Variants in ZNF143 observed in about 807,000 individuals in gnomAD.
ZNF143 encodes the protein SPH-binding factor.
A neutral mutation model predicts 74.1 loss-of-function variants in ZNF143; 49 were observed. The ratio of observed to expected loss-of-function variants is 0.66; its 90% confidence interval spans 0.53 to 0.84. The LOEUF (loss-of-function observed/expected upper bound fraction) is 0.84. ZNF143 is among the 40% of genes least tolerant of loss of function. ZNF143 has a pLI of 0.00. For synonymous variants in ZNF143, 304 were observed against 282.8 expected, an observed-to-expected ratio of 1.07 and a Z score of -0.75; for missense variants, 637 against 793.4, an observed-to-expected ratio of 0.80 and a Z score of 2.37.
At chr11:9,522,455 G>A (rs1848968419) in intron 14 of ZNF143, among the ~76,000 whole-genome samples, 2 of 152,116 alleles carry the variant, frequency 1.3e-5, no homozygotes, top group African/African-American at 4.8e-5. Flanking sequence ...ATATTAACTA[G>A]GTGTTGTCTT....
At chr11:9,498,966 A>G (rs926147427) in intron 10 of ZNF143, among the ~76,000 whole-genome samples, 1 of 152,154 alleles carries the variant, frequency 6.6e-6, no homozygotes, top group African/African-American at 2.4e-5. Context: ...TGCACTTTTT[A>G]TTTATTGTAT....
intron 14 of ZNF143, 119 bp downstream of exon 14, chr11:9,516,481 A>G: frequency 1.0e-6 from 1 of 962,406 alleles, no homozygotes; most frequent in Non-Finnish European, 1.5e-6. Flanking sequence ...AATATTTTGT[A>G]ACTTCTTAGC....
At chr11:9,479,418 C>A in intron 6 of ZNF143, 54 bp from the exon 7 acceptor site, 1 of 1,486,960 alleles carries the variant, frequency 6.7e-7, no homozygotes, top group East Asian at 2.3e-5. Flanking sequence ...ACTTAACCAG[C>A]CTAAACCATT....
chr11:9,479,167 TTC>T (rs1336538490), intron 6 of ZNF143, among the ~76,000 whole-genome samples: 3 of 152,086 alleles, frequency 2.0e-5, no homozygotes, highest in Non-Finnish European at 2.9e-5. Context: ...CTTTTTTTTT[TTC>T]TTTACAAACA....
At chr11:9,507,633 G>C (rs1394636245) in intron 11 of ZNF143, among the ~76,000 whole-genome samples, 2 of 152,168 alleles carry the variant, frequency 1.3e-5, no homozygotes, top group African/African-American at 4.8e-5. Flanking sequence ...CTTCAGTGTA[G>C]TTAAAAGTAT....
intron 5 of ZNF143, among the ~76,000 whole-genome samples, chr11:9,474,987 A>G (rs1214550635): frequency 1.3e-5 from 2 of 152,182 alleles, no homozygotes; most frequent in Admixed American, 1.3e-4. Context: ...TCCTGGGCTC[A>G]GGGATCCTCC....
In ZNF143 at chr11:9,482,876, C is replaced by T. The variant is rs770451616; in HGVS notation, c.645+3330C>T. Among the ~76,000 whole-genome samples the T allele has an allele frequency of 7.3e-5, 11 of 151,228 alleles. 1 individual carries two copies. The highest frequency in any genetic ancestry group is 2.1e-4 in the South Asian group (1 of 4,826). On this transcript the variant is annotated intron_variant, in intron 7 of 15. Transcript: ENST00000396602. ...TATCAATAATTTCTTATATTGATAA[C>T]GTTGAAATGATATTTTGGACATATT...
chr11:9,497,965 G>T (rs193273591), intron 10 of ZNF143, among the ~76,000 whole-genome samples, 165 bp downstream of exon 10: 20 of 152,132 alleles, frequency 1.3e-4, no homozygotes, highest in African/African-American at 3.1e-4. Flanking sequence ...CAAGTAGCTG[G>T]GACTACAGGC....
intron 13 of ZNF143, among the ~76,000 whole-genome samples, chr11:9,514,635 GT>G (rs1045633416): frequency 2.0e-5 from 3 of 152,268 alleles, no homozygotes; most frequent in African/African-American, 7.2e-5. Flanking sequence ...TGGGTGTTCA[GT>G]TGGGTCTTGA....
intron 7 of ZNF143, among the ~76,000 whole-genome samples, chr11:9,483,288 C>CCTTTT (rs1847322096): frequency 4.0e-5 from 2 of 50,200 alleles, no homozygotes; most frequent in African/African-American, 8.8e-5. Flanking sequence ...GCCAACATGC[C>CCTTTT]TTTTTTTTTT....
chr11:9,522,983 G>A (rs1447413396), intron 14 of ZNF143, among the ~76,000 whole-genome samples: 2 of 151,750 alleles, frequency 1.3e-5, no homozygotes, highest in Non-Finnish European at 2.9e-5. Flanking sequence ...TGGCCAGGCT[G>A]ATCTCGAACT....
intron 11 of ZNF143, among the ~76,000 whole-genome samples, chr11:9,505,204 C>T (rs1248945786): frequency 5.6e-5 from 7 of 125,312 alleles, no homozygotes; most frequent in African/African-American, 1.5e-4. Context: ...CATCTCCTGA[C>T]GTTGTGATCC....
Position 9,497,719 on chromosome 11 carries a change from C to T in ZNF143, c.886C>T (p.Pro296Ser). 6.2e-7 allele frequency: 1 copy of T among 1,609,472 alleles called. No homozygotes were observed. The highest frequency in any genetic ancestry group is 8.5e-7 in the Non-Finnish European group (1 of 1,176,406). The change falls in exon 10 of 16, where the codon CCA becomes TCA. Residue 296 changes from proline to serine, a missense_variant. Around this residue, in one of 2 missense-constraint regions of ZNF143, gnomAD observed 344 missense variants for 485.6 expected, o/e 0.71. Transcript: ENST00000396602. Reference sequence around the variant, plus strand: ...CGTCAGAACTCATACAGGAGAAAAGCCATATCGGTGTTCGGAAGATAATTG... The same window carrying T: ...CGTCAGAACTCATACAGGAGAAAAGTCATATCGGTGTTCGGAAGATAATTG... ...SHVRTHTGEKPYRCSEDNCTK... is the reference protein window; with the variant it reads ...SHVRTHTGEKSYRCSEDNCTK...
chr11:9,495,853 C>G (rs1847939822), intron 8 of ZNF143, among the ~76,000 whole-genome samples: 1 of 152,078 alleles, frequency 6.6e-6, no homozygotes, highest in African/African-American at 2.4e-5. Context: ...TATTGTGTCC[C>G]CACTTTTCAG....
chr11:9,486,414 T>TATATATATAATATATATTATATATATA (rs1491546428), intron 7 of ZNF143, among the ~76,000 whole-genome samples: 3,453 of 23,650 alleles, frequency 0.15, 623 homozygotes, highest in Non-Finnish European at 0.21. Flanking sequence ...ATATATATAA[T>TATATATATAATATATATTATATATATA]ATATATTATA....
Position 9,527,684 on chromosome 11 carries a change from G to T in ZNF143, c.*71G>T. On this transcript the variant is annotated 3_prime_UTR_variant, in exon 16 of 16. Coordinates refer to ENST00000396602, the MANE Select transcript of ZNF143 (RefSeq NM_003442.6). ...CTGGCAGCAGAAATCCATGAAGCCC[G>T]GGCCCAGGAAAATTAGAAGTTTTCC... The T allele has an allele frequency of 2.1e-6, 3 of 1,447,486 alleles. No individual in the cohort carries two copies. The highest frequency in any genetic ancestry group is 2.9e-6 in the Non-Finnish European group (3 of 1,039,572). 89.7% of individuals were successfully genotyped at this position (1,447,486 alleles called of 1,614,324 possible).
intron 12 of ZNF143, among the ~76,000 whole-genome samples, chr11:9,509,201 G>C (rs897185242): frequency 1.3e-5 from 2 of 152,196 alleles, no homozygotes; most frequent in African/African-American, 4.8e-5. Context: ...AGGTTGGAGA[G>C]ACCAAAGTAA....
chr11:9,499,207 T>C (rs1848070660), intron 10 of ZNF143, among the ~76,000 whole-genome samples: 1 of 152,120 alleles, frequency 6.6e-6, no homozygotes, highest in Admixed American at 6.5e-5. Flanking sequence ...GTAAGGGACA[T>C]AGGGACTTCT....
At chr11:9,500,950 C>T (rs898514921) in intron 10 of ZNF143, 141 bp from the exon 11 acceptor site, 5 of 939,424 alleles carry the variant, frequency 5.3e-6, no homozygotes, top group Non-Finnish European at 7.9e-6. Flanking sequence ...CCCCAACCCC[C>T]CCAAAAAAAT....
Sources: gnomAD v4.1 joint callset for allele counts (sites outside exome capture counted in the v4.1 genomes callset) on GRCh38, gnomAD v4.1.1 for gene constraint, gnomAD v4.1.1 regional missense constraint, MANE v1.5 for transcripts, NCBI Gene and HGNC (gene_info 2026-07-23, HGNC 2026-07-21) for gene names.